FBXO41: variants seen among roughly 807,000 people sequenced by gnomAD.
FBXO41 encodes F-box protein 41, also known as F-box only protein 41.
In FBXO41, 33 loss-of-function variants were observed where a neutral mutation model predicts 81.6. The ratio of observed to expected loss-of-function variants is 0.40; its 90% CI spans 0.31 to 0.54. The LOEUF is 0.54. Ranked by LOEUF, FBXO41 falls within the 20% of genes least tolerant of loss-of-function variation. FBXO41 has a pLI of 0.39. For missense variants in FBXO41, 1,107 were observed against 1,236.0 expected, an observed-to-expected ratio of 0.90 and a Z score of 1.56; for synonymous variants, 576 against 552.7, an observed-to-expected ratio of 1.04 and a Z score of -0.59.
intron 1 of FBXO41, among the ~76,000 whole-genome samples, chr2:73,276,960 CCTAA>C (rs1424097252): frequency 2.0e-5 from 3 of 152,198 alleles, no homozygotes; most frequent in Non-Finnish European, 2.9e-5. Context: ...ATCTGTTCAT[CCTAA>C]CTAAGTGCTG....
chr2:73,283,222 CCT>C (rs1688895988), intron 1 of FBXO41, among the ~76,000 whole-genome samples: 2 of 152,228 alleles, frequency 1.3e-5, no homozygotes, highest in East Asian at 3.9e-4. Context: ...TCTATAAATC[CCT>C]CTGAGTCCCC....
chr2:73,265,703 C>A, intron 4 of FBXO41, 63 bp from the exon 5 acceptor site: 12 of 1,449,090 alleles, frequency 8.3e-6, no homozygotes, highest in Non-Finnish European at 1.1e-5. Flanking sequence ...AACTCCCCAT[C>A]CTGCCCCTAC....
At position 73,255,966 on chromosome 2, in the gene FBXO41, C is replaced by T. The variant is rs545341305; in HGVS notation, c.*3016G>A. 2 of 152,324 alleles carry T rather than the reference C, an allele frequency of 1.3e-5. No individual in the cohort carries two copies. Among genetic ancestry groups the T allele is most frequent in the Admixed American group, 1.3e-4 (2 of 15,286 alleles). 9.4% of individuals were successfully genotyped at this position (152,324 alleles called of 1,614,324 possible). ...CTGGGCAGGCCACCCACTCTTTATT[C>T]CTGCAGGGATGCATATAAGTGCACC... On this transcript the variant is annotated 3_prime_UTR_variant, in exon 13 of 13. Transcript: ENST00000520530.
At position 73,256,192 on chromosome 2, in the gene FBXO41, T is replaced by C. The variant is rs138528309; in HGVS notation, c.*2790A>G. On this transcript the variant is annotated 3_prime_UTR_variant, in exon 13 of 13. Transcript: ENST00000520530. ...GGCTGCTTGCTCTCAGATATTCCTT[T>C]CTTGCATCTTACTGGGTATGAGATG... The C allele has an allele frequency of 1.3e-5, 2 of 152,356 alleles. No individual in the cohort carries two copies. Among genetic ancestry groups the C allele is most frequent in the East Asian group, 1.9e-4 (1 of 5,176 alleles). 9.4% of individuals were successfully genotyped at this position (152,356 alleles called of 1,614,324 possible). A position where few individuals can be genotyped will look rare whatever the true frequency, so the allele number is the denominator to read the frequency against.
intron 1 of FBXO41, among the ~76,000 whole-genome samples, chr2:73,274,762 C>CACT (rs1264557716): frequency 1.3e-5 from 2 of 152,006 alleles, no homozygotes; most frequent in Admixed American, 1.3e-4. Context: ...AACAGGGTCT[C>CACT]ACTATGTTGC....
At chr2:73,268,320 G>C (rs1206497493) in intron 2 of FBXO41, among the ~76,000 whole-genome samples, 4 of 152,218 alleles carry the variant, frequency 2.6e-5, no homozygotes, top group Non-Finnish European at 5.9e-5. Flanking sequence ...GTAGCTTAAG[G>C]GGAAGGGGGT....
chr2:73,281,340 G>A (rs1688842601), intron 1 of FBXO41, among the ~76,000 whole-genome samples: 1 of 152,208 alleles, frequency 6.6e-6, no homozygotes, highest in South Asian at 2.1e-4. Context: ...TGAGGAAACT[G>A]AGGCTCAGTG....
Position 73,269,087 on chromosome 2 carries a change from C to T in FBXO41, c.544G>A (p.Gly182Arg). 1 of 1,508,494 alleles carries T rather than the reference C, an allele frequency of 6.6e-7. No homozygotes were observed. The highest frequency in any genetic ancestry group is 8.8e-7 in the Non-Finnish European group (1 of 1,135,976). The allele number at this position is 1,508,494 out of a possible 1,614,324, so 93.4% of individuals were successfully genotyped here. A position where few individuals can be genotyped will look rare whatever the true frequency, so the allele number is the denominator to read the frequency against. ...GACGCGGGCGAAGCGGAGGCAGGCCCGGGGCAAGGGCCGGGGCCGGGGCCA... is the reference window on the plus strand; with the variant it reads ...GACGCGGGCGAAGCGGAGGCAGGCCTGGGGCAAGGGCCGGGGCCGGGGCCA... ...PPGPGPGPCP[G>R]PASASPASPS... The change falls in exon 2 of 13, where the codon GGG becomes AGG. Residue 182 changes from glycine (G) to arginine (R), a missense_variant. Transcript: ENST00000520530. This position sits in a 1 kb window ranked among gnomAD's most constrained non-coding sequence, Gnocchi z 7.0.
Position 73,266,016 on chromosome 2 carries a change from A to C in FBXO41, c.1132-50T>G. ...AAAGGAGAGGGGCGGAGGAGGCAAG[A>C]GGATGAGCAGGAATAGCAGGGGAAA... On this transcript the variant is annotated intron_variant, in intron 3 of 12. Transcript: ENST00000520530. The surrounding 1 kb of genome is among the most constrained non-coding windows in gnomAD (Gnocchi z 5.3). 1 of 1,501,286 alleles carries C rather than the reference A, an allele frequency of 6.7e-7. No homozygotes were observed. Among genetic ancestry groups the C allele is most frequent in the Non-Finnish European group, 9.1e-7 (1 of 1,102,176 alleles). The allele number at this position is 1,501,286 out of a possible 1,614,324, so 93.0% of individuals were successfully genotyped here. A position where few individuals can be genotyped will look rare whatever the true frequency, so the allele number is the denominator to read the frequency against.
intron 1 of FBXO41, among the ~76,000 whole-genome samples, chr2:73,273,686 G>A (rs979353497): frequency 2.6e-5 from 4 of 152,324 alleles, no homozygotes; most frequent in South Asian, 2.1e-4. Context: ...CAAAAGTAAA[G>A]GACCCCTGAT....
chr2:73,265,158 C>T, intron 5 of FBXO41, 124 bp downstream of exon 5: 3 of 918,178 alleles, frequency 3.3e-6, no homozygotes, highest in Admixed American at 2.9e-5. Context: ...AGTTCCTGCC[C>T]CAGGCTTGAA....
Position 73,269,452 on chromosome 2 carries a change from G to A in FBXO41, c.179C>T (p.Ala60Val). The A allele has an allele frequency of 1.6e-6, 2 of 1,266,766 alleles. No individual in the cohort carries two copies. The highest frequency in any genetic ancestry group is 4.0e-5 in the Admixed American group (1 of 24,780). 78.5% of individuals were successfully genotyped at this position (1,266,766 alleles called of 1,614,324 possible). A position where few individuals can be genotyped will look rare whatever the true frequency, so the allele number is the denominator to read the frequency against. Reference sequence around the variant, plus strand: ...GGGAGCCAGCGGGAACCCCGAGGCAGCGGCGGCGGCGGCCGCGGCGGCGGC... The same window carrying A: ...GGGAGCCAGCGGGAACCCCGAGGCAACGGCGGCGGCGGCCGCGGCGGCGGC... ...GAAAAAAAAA[A>V]ASGFPLAPEP... is the part of the protein sequence containing the mutation. Residue 60 changes from alanine to valine, a missense_variant, in exon 2 of 13, where the codon GCT becomes GTT. By Grantham distance (64) the Ala-to-Val change is moderately conservative. Coordinates refer to ENST00000520530, the MANE Select transcript of FBXO41 (RefSeq NM_001371389.2). The surrounding 1 kb of genome is among the most constrained non-coding windows in gnomAD (Gnocchi z 7.0).
In FBXO41 at chr2:73,269,086, C is replaced by T; in HGVS notation, c.545G>A (p.Gly182Glu). 3 of 1,508,938 alleles carry T rather than the reference C, an allele frequency of 2.0e-6. No individual in the cohort carries two copies. The highest frequency in any genetic ancestry group is 2.6e-6 in the Non-Finnish European group (3 of 1,136,128). The allele number at this position is 1,508,938 out of a possible 1,614,324, so 93.5% of individuals were successfully genotyped here. Residue 182 changes from glycine (G) to glutamate (E), a missense_variant, in exon 2 of 13, where the codon GGG becomes GAG. By Grantham distance (98) the Gly-to-Glu change is moderately conservative. This residue lies in a region of FBXO41 where 771 missense variants were observed against 789.2 expected (regional missense o/e 0.98). Transcript: ENST00000520530. This position sits in a 1 kb window ranked among gnomAD's most constrained non-coding sequence, Gnocchi z 7.0. ...PPGPGPGPCP[G>E]PASASPASPS... is the part of the protein sequence containing the mutation. ...GGACGCGGGCGAAGCGGAGGCAGGC[C>T]CGGGGCAAGGGCCGGGGCCGGGGCC...
At chr2:73,274,960 A>T (rs1688646213) in intron 1 of FBXO41, among the ~76,000 whole-genome samples, 1 of 151,160 alleles carries the variant, frequency 6.6e-6, no homozygotes, top group Non-Finnish European at 1.5e-5. Flanking sequence ...AGCTCACTGC[A>T]GTCACTGCAA....
chr2:73,274,911 C>T (rs1475672650), intron 1 of FBXO41, among the ~76,000 whole-genome samples: 1 of 150,290 alleles, frequency 6.7e-6, no homozygotes, highest in African/African-American at 2.5e-5. Flanking sequence ...AACGGAGTAT[C>T]GCTCTGTCGC....
chr2:73,261,151 G>A (rs530641021), intron 9 of FBXO41, among the ~76,000 whole-genome samples: 1 of 152,044 alleles, frequency 6.6e-6, no homozygotes, highest in Non-Finnish European at 1.5e-5. Flanking sequence ...CTGCCTCCTG[G>A]GTTCAAGCAA....
Position 73,264,524 on chromosome 2 carries a change from A to C in FBXO41, c.1565-5T>G, listed in dbSNP as rs374655445. Reference sequence around the variant, plus strand: ...CACTGCCTCCCTCGGGGCGGGCTGCAGAATACCAGGGGTTCAAAAGTGAGC... The same window carrying C: ...CACTGCCTCCCTCGGGGCGGGCTGCCGAATACCAGGGGTTCAAAAGTGAGC... On this transcript the variant is annotated splice_polypyrimidine_tract_variant and splice_region_variant and intron_variant, in intron 5 of 12. Transcript: ENST00000520530. 1.9e-6 allele frequency: 3 copies of C among 1,613,198 alleles called. No individual in the cohort carries two copies. The highest frequency in any genetic ancestry group is 2.5e-6 in the Non-Finnish European group (3 of 1,179,832).
chr2:73,269,928 C>T lies in FBXO41; in HGVS notation c.-138-160G>A, dbSNP rs1688439609. 6.6e-6 allele frequency among the ~76,000 whole-genome samples: 1 copy of T among 152,094 alleles called. No individual in the cohort carries two copies. The highest frequency in any genetic ancestry group is 6.5e-5 in the Admixed American group (1 of 15,284). On this transcript the variant is annotated intron_variant, in intron 1 of 12. Transcript: ENST00000520530. This position sits in a 1 kb window ranked among gnomAD's most constrained non-coding sequence, Gnocchi z 7.0. ...CCTGCTCTGGCACCTGTGCGAGGGC[C>T]TGTATGTGTGCAAGAGACAGCGAGA...
At chr2:73,262,447 G>T (rs969729830) in intron 9 of FBXO41, among the ~76,000 whole-genome samples, 1 of 152,188 alleles carries the variant, frequency 6.6e-6, no homozygotes, top group African/African-American at 2.4e-5. Context: ...AGTGAGAAAT[G>T]ATTTCATAAC....
Sources: allele counts gnomAD v4.1 joint callset (sites outside exome capture counted in the v4.1 genomes callset), GRCh38; gene constraint gnomAD v4.1.1; regional missense constraint gnomAD v4.1.1; non-coding constraint Gnocchi (gnomAD v3.1); transcripts MANE v1.5; gene names NCBI Gene and HGNC (gene_info 2026-07-23, HGNC 2026-07-21).